The following LBHD1 variants were observed in gnomAD, a reference collection of about 807,000 sequenced individuals.
LBHD1 encodes LBH domain-containing protein 1.
Under a neutral mutation model 31.1 loss-of-function variants are expected in LBHD1, and 28 were observed. The observed-to-expected ratio is 0.90, with a 90% confidence interval of 0.67 to 1.24. The LOEUF (loss-of-function observed/expected upper bound fraction) is 1.24. LBHD1 is among the 50% of genes most tolerant of loss of function. LBHD1 has a pLI of 0.00. For missense variants in LBHD1, 350 were observed against 323.0 expected (o/e 1.08, Z -0.64); for synonymous variants, 105 against 116.5 (o/e 0.90, Z 0.63).
rs1317408296 is a variant in LBHD1 at position 62,669,973 on chromosome 11, C to A, written c.59G>T (p.Gly20Val). The A allele has an allele frequency of 6.2e-7, 1 of 1,613,998 alleles. No individual in the cohort carries two copies. The highest frequency in any genetic ancestry group is 8.5e-7 in the Non-Finnish European group (1 of 1,180,020). Residue 20 changes from glycine to valine, a missense_variant, in exon 2 of 7, where the codon GGC becomes GTC. Physicochemically the swap from Gly to Val is moderately radical, Grantham distance 109. Coordinates refer to ENST00000354588, the MANE Select transcript of LBHD1 (RefSeq NM_024099.5). The part of the protein sequence containing the change: ...EDGLWTRNSP[G>V]SSQHPESPRL... The stretch of plus-strand genomic sequence containing the variant: ...GGGACTTTCTGGATGCTGGGAGGAG[C>A]CTGGGCTATTTCTAGTCCAAAGCCC...
intron 4 of LBHD1, chr11:62,665,791 G>C (rs1944790984): frequency 1.3e-6 from 2 of 1,555,486 alleles, no homozygotes; most frequent in Non-Finnish European, 8.7e-7. Context: ...GGAATTTGCA[G>C]ATCTTCCCCT....
In LBHD1 at chr11:62,667,611, G is replaced by C. The variant is rs763842644; in HGVS notation, c.450C>G (p.His150Gln). 2 of 1,614,158 alleles carry C rather than the reference G, an allele frequency of 1.2e-6. No homozygotes were observed. The highest frequency in any genetic ancestry group is 8.5e-7 in the Non-Finnish European group (1 of 1,180,038). ...EDTACLEATNHCPFWDSTGSR... is the reference protein window; with the variant it reads ...EDTACLEATNQCPFWDSTGSR... ...AGCCTGTTGAGTCCCAGAAGGGACA[G>C]TGGTTGGTGGCTTCCAGACATGCTG... The change falls in exon 4 of 7, where the codon CAC becomes CAG. Residue 150 changes from histidine to glutamine, a missense_variant. Physicochemically the swap from His to Gln is conservative, Grantham distance 24. Transcript: ENST00000354588.
At chr11:62,663,693 CA>C (rs552135889) in intron 5 of LBHD1, among the ~76,000 whole-genome samples, 3,454 of 60,110 alleles carry the variant, frequency 0.057, 49 homozygotes, top group Non-Finnish European at 0.083. Context: ...GACTCCGTCT[CA>C]AAAAAAAAAA....
intron 1 of LBHD1, 48 bp downstream of exon 1, chr11:62,671,516 G>A: frequency 7.1e-7 from 1 of 1,399,958 alleles, no homozygotes; most frequent in Non-Finnish European, 9.3e-7. Context: ...CCCGCGCTCA[G>A]CCCTTGGTGC....
At chr11:62,664,760 G>A (rs894768002) in intron 5 of LBHD1, 89 bp downstream of exon 5, 28 of 1,486,784 alleles carry the variant, frequency 1.9e-5, no homozygotes, top group Non-Finnish European at 2.5e-5. Flanking sequence ...TGCACAAGGT[G>A]AGCTGAGAGG....
In LBHD1 at chr11:62,669,962, G is replaced by T. The variant is rs1944909129; in HGVS notation, c.70C>A (p.His24Asn). The T allele has an allele frequency of 6.2e-7, 1 of 1,614,092 alleles. No homozygotes were observed. The highest frequency in any genetic ancestry group is 1.1e-5 in the South Asian group (1 of 91,074). Reference sequence around the variant, plus strand: ...TTGGGCAGCCTGGGACTTTCTGGATGCTGGGAGGAGCCTGGGCTATTTCTA... The same window carrying T: ...TTGGGCAGCCTGGGACTTTCTGGATTCTGGGAGGAGCCTGGGCTATTTCTA... The part of the protein sequence containing the change: ...WTRNSPGSSQ[H>N]PESPRLPNPL... Residue 24 changes from histidine (H) to asparagine (N), a missense_variant, in exon 2 of 7, where the codon CAT becomes AAT. By Grantham distance (68) the His-to-Asn change is moderately conservative. Transcript: ENST00000354588.
intron 4 of LBHD1, chr11:62,666,420 C>T (rs757818333): frequency 4.3e-6 from 7 of 1,611,026 alleles, no homozygotes; most frequent in South Asian, 1.1e-5. Flanking sequence ...AGTTGCCTGG[C>T]GGACCGCTGT....
rs1395190098 is a variant in LBHD1, at chr11:62,663,027, G to C, written c.*102C>G. 2.6e-6 allele frequency: 4 copies of C among 1,529,522 alleles called. No homozygotes were observed. The highest frequency in any genetic ancestry group is 2.7e-6 in the Non-Finnish European group (3 of 1,111,524). 94.7% of individuals were successfully genotyped at this position (1,529,522 alleles called of 1,614,324 possible). A position where few individuals can be genotyped will look rare whatever the true frequency, so the allele number is the denominator to read the frequency against. ...CTGAGTCTGAAGGCTGGCTCCAGTT[G>C]AGAATCTTCTAGTGGAAGAGGTTTA... On this transcript the variant is annotated 3_prime_UTR_variant, in exon 7 of 7. Transcript: ENST00000354588.
intron 3 of LBHD1, among the ~76,000 whole-genome samples, chr11:62,669,236 A>G (rs1395864640): frequency 6.6e-6 from 1 of 151,930 alleles, no homozygotes; most frequent in Non-Finnish European, 1.5e-5. Context: ...TGTACTTTCA[A>G]AATGTTTACA....
Position 62,666,557 on chromosome 11 carries a change from C to G in LBHD1, c.538+966G>C, listed in dbSNP as rs1370043836. On this transcript the variant is annotated intron_variant, in intron 4 of 6. Transcript: ENST00000354588. ...GCAGGAGGCACAGGCTGCCAGTCCT[C>G]TGCGAGTGCTGGATGTGGGCTGTGG... 20 of 1,614,176 alleles carry G rather than the reference C, an allele frequency of 1.2e-5. No homozygotes were observed. Among genetic ancestry groups the G allele is most frequent in the Non-Finnish European group, 1.7e-5 (20 of 1,180,038 alleles).
Position 62,667,748 on chromosome 11 carries a change from C to T in LBHD1, c.314-1G>A. ...GGGTCCTGTGGGCTCCAAGCCCAGC[C>T]TGGGATGGAGGAAGAGAGGGGACAA... On this transcript the variant is annotated splice_acceptor_variant, in intron 3 of 6. Coordinates refer to ENST00000354588, the MANE Select transcript of LBHD1 (RefSeq NM_024099.5). LOFTEE classifies it high-confidence loss of function. 1.3e-6 allele frequency: 2 copies of T among 1,590,132 alleles called. No homozygotes were observed. The highest frequency in any genetic ancestry group is 1.7e-6 in the Non-Finnish European group (2 of 1,160,630).
intron 4 of LBHD1, 193 bp downstream of exon 4, chr11:62,667,330 C>A: frequency 1.5e-6 from 1 of 661,448 alleles, no homozygotes; most frequent in East Asian, 2.7e-5. Context: ...TCCCCAGTTT[C>A]AACTAACTGG....
chr11:62,666,848 CTGCCTAGGGCTTACCAGCTTCT>C (rs1273505357), intron 4 of LBHD1: 2 of 1,614,186 alleles, frequency 1.2e-6, no homozygotes, highest in Non-Finnish European at 1.7e-6. Flanking sequence ...CCGGGGAGGT[CTGCCTAGGGCTTACCAGCTTCT>C]ATCAGAATGC....
At position 62,667,582 on chromosome 11, in the gene LBHD1, C is replaced by T. The variant is rs781162085; in HGVS notation, c.479G>A (p.Arg160His). The change falls in exon 4 of 7, where the codon CGT becomes CAT. Residue 160 changes from arginine (R) to histidine (H), a missense_variant. Arg to His is a conservative substitution (Grantham distance 29). Transcript: ENST00000354588. Reference sequence around the variant, plus strand: ...TTCCACAAAGCCACTTCTACAAACACGGGAGCCTGTTGAGTCCCAGAAGGG... The same window carrying T: ...TTCCACAAAGCCACTTCTACAAACATGGGAGCCTGTTGAGTCCCAGAAGGG... ...HCPFWDSTGS[R>H]VCRSGFVEYS... 1.7e-5 allele frequency: 27 copies of T among 1,614,020 alleles called. No individual in the cohort carries two copies. Among genetic ancestry groups the T allele is most frequent in the South Asian group, 2.2e-5 (2 of 91,086 alleles).
chr11:62,672,108 A>T lies in LBHD1; in HGVS notation c.-555T>A. 4 of 1,574,178 alleles carry T rather than the reference A, an allele frequency of 2.5e-6. No homozygotes were observed. The highest frequency in any genetic ancestry group is 3.4e-6 in the Non-Finnish European group (4 of 1,160,962). ...GCGAAGGCGGCGCCGGCGGGAGGTC[A>T]CCGTGAGACCGGACTTGCCTCCGTG... On this transcript the variant is annotated 5_prime_UTR_variant, in exon 1 of 7. An upstream open reading frame in the 5' UTR loses its in-frame stop. Transcript: ENST00000354588.
chr11:62,664,700 T>C (rs1944746576), intron 5 of LBHD1, 149 bp downstream of exon 5: 1 of 1,058,884 alleles, frequency 9.4e-7, no homozygotes, highest in Non-Finnish European at 1.3e-6. Context: ...TGAGAGGCTA[T>C]CAGAGCTTAG....
intron 4 of LBHD1, 183 bp from the exon 5 acceptor site, chr11:62,665,156 CCCG>C (rs749205414): frequency 2.2e-6 from 2 of 916,890 alleles, no homozygotes; most frequent in Non-Finnish European, 3.4e-6. Flanking sequence ...GATCTTTCCC[CCCG>C]GAGCTCCCAT....
intron 4 of LBHD1, 149 bp from the exon 5 acceptor site, chr11:62,665,122 C>T: frequency 8.4e-7 from 1 of 1,186,984 alleles, no homozygotes; most frequent in Non-Finnish European, 1.2e-6. Context: ...GCGGCCCCCA[C>T]ACAGTCACCG....
intron 4 of LBHD1, 53 bp downstream of exon 4, chr11:62,667,470 A>C (rs1244380803): frequency 3.2e-6 from 5 of 1,566,658 alleles, no homozygotes; most frequent in Admixed American, 1.7e-5. Flanking sequence ...GATGGGTATA[A>C]GGAGCTTCAT....
Sources: gnomAD v4.1 joint callset for allele counts (sites outside exome capture counted in the v4.1 genomes callset) on GRCh38, gnomAD v4.1.1 for gene constraint, MANE v1.5 for transcripts, NCBI Gene and HGNC (gene_info 2026-07-23, HGNC 2026-07-21) for gene names.